The following UFD1 variants were observed in gnomAD, a reference collection of about 807,000 sequenced individuals.
UFD1 encodes the protein ubiquitin recognition factor in ER-associated degradation protein 1.
A neutral mutation model predicts 45.9 loss-of-function variants in UFD1; 13 were observed. That is an observed-to-expected ratio of 0.28 (90% CI 0.18 to 0.45). UFD1 has a LOEUF of 0.45. Ranked by LOEUF, UFD1 falls within the 20% of genes least tolerant of loss-of-function variation. The pLI is 1.00. For synonymous variants in UFD1, 128 were observed against 139.2 expected, an observed-to-expected ratio of 0.92 and a Z score of 0.56; for missense variants, 218 against 389.2, an observed-to-expected ratio of 0.56 and a Z score of 3.70.
At chr22:19,473,497 T>C (rs942437059) in intron 3 of UFD1, among the ~76,000 whole-genome samples, 3 of 152,204 alleles carry the variant, frequency 2.0e-5, no homozygotes, top group Non-Finnish European at 4.4e-5. Context: ...GGGTCACCCC[T>C]GGTGTCTGGC....
In UFD1 at chr22:19,468,492, A is replaced by G. The variant is rs117597302; in HGVS notation, c.292-489T>C. Among the ~76,000 whole-genome samples, 518 of 152,312 alleles carry G rather than the reference A, an allele frequency of 3.4e-3. 20 individuals carry two copies. The East Asian group carries it at 0.069, about 20-fold the overall frequency. ...GGTCTCTGCTAAGGAGGTTATAAAA[A>G]TCTGACAAAGCCTCCACATGTCTCT... On this transcript the variant is annotated intron_variant, in intron 4 of 11. Transcript: ENST00000263202.
chr22:19,453,219 G>A, intron 11 of UFD1: 2 of 985,080 alleles, frequency 2.0e-6, no homozygotes, highest in Non-Finnish European at 1.2e-6. Flanking sequence ...TGCCTTTTGA[G>A]AATTCCACAA....
chr22:19,462,004 C>G (rs1362914195), intron 6 of UFD1, among the ~76,000 whole-genome samples: 1 of 151,010 alleles, frequency 6.6e-6, no homozygotes, highest in South Asian at 2.1e-4. Context: ...TCAGGGTTTG[C>G]TTTTTTTTTG....
chr22:19,475,370 A>G (rs1383648267), intron 2 of UFD1, 100 bp downstream of exon 2: 5 of 1,517,864 alleles, frequency 3.3e-6, no homozygotes, highest in Non-Finnish European at 4.5e-6. Flanking sequence ...CAGTAACACT[A>G]GCTTCTGACT....
chr22:19,474,179 G>C (rs1055240083), intron 3 of UFD1, among the ~76,000 whole-genome samples: 1 of 152,178 alleles, frequency 6.6e-6, no homozygotes, highest in Non-Finnish European at 1.5e-5. Context: ...AGCAAGAGGA[G>C]TGGCTTCTGG....
intron 6 of UFD1, among the ~76,000 whole-genome samples, chr22:19,459,601 C>T (rs921052862): frequency 6.6e-6 from 1 of 151,930 alleles, no homozygotes; most frequent in Admixed American, 6.6e-5. Context: ...GGCAACAGAG[C>T]GAGACTCTGT....
chr22:19,454,726 G>A (rs745388140), intron 11 of UFD1, 23 bp downstream of exon 11: 2 of 1,613,446 alleles, frequency 1.2e-6, no homozygotes, highest in Non-Finnish European at 1.7e-6. Flanking sequence ...ACCAACCAAG[G>A]AAATACAAGG....
chr22:19,479,190 G>C lies in UFD1; in HGVS notation c.-105C>G, dbSNP rs2089928524. The C allele has an allele frequency of 2.5e-6, 4 of 1,573,838 alleles. No homozygotes were observed. The highest frequency in any genetic ancestry group is 2.6e-6 in the Non-Finnish European group (3 of 1,160,364). On this transcript the variant is annotated 5_prime_UTR_variant, in exon 1 of 12. Coordinates refer to ENST00000263202, the MANE Select transcript of UFD1 (RefSeq NM_005659.7). ...CTGCCGCTGCCGCCGCGCCAAGCCG[G>C]TACGCCCCAGAGGCTCACCGGAAGT...
At chr22:19,478,362 A>G (rs1470144203) in intron 1 of UFD1, among the ~76,000 whole-genome samples, 1 of 152,240 alleles carries the variant, frequency 6.6e-6, no homozygotes, top group Non-Finnish European at 1.5e-5. Flanking sequence ...ACAATACCGT[A>G]GAGTGCTTTG....
In UFD1 at chr22:19,475,730, T is replaced by G; in HGVS notation, c.4-128A>C. ...GAACACAATGTACTGAAATCTTCAA[T>G]GTAATCTTACTAAATACAAAACAGG... On this transcript the variant is annotated intron_variant, in intron 1 of 11. Coordinates refer to ENST00000263202, the MANE Select transcript of UFD1 (RefSeq NM_005659.7). The G allele has an allele frequency of 5.9e-6, 7 of 1,176,706 alleles. No individual in the cohort carries two copies. The South Asian group carries it at 1.0e-4, about 17-fold the overall frequency. 72.9% of individuals were successfully genotyped at this position (1,176,706 alleles called of 1,614,324 possible).
At chr22:19,478,241 T>C (rs1270298608) in intron 1 of UFD1, among the ~76,000 whole-genome samples, 1 of 152,200 alleles carries the variant, frequency 6.6e-6, no homozygotes. Flanking sequence ...CAGGTATTCT[T>C]GAGTGGATGA....
At position 19,454,767 on chromosome 22, in the gene UFD1, A is replaced by G. The variant is rs1351906267; in HGVS notation, c.831T>C (p.Leu277=). The change falls in exon 11 of 12, where the codon CTT becomes CTC. Residue 277 remains leucine, a synonymous_variant. Coordinates refer to ENST00000263202, the MANE Select transcript of UFD1 (RefSeq NM_005659.7). ...KITFIRNSRP[L]VKKVEEDEAG... is the part of the protein sequence containing the mutation. The stretch of plus-strand genomic sequence containing the variant: ...CACTCACCTCTTCAACCTTTTTGAC[A>G]AGGGGACGTGAATTTCTGATGAAAG... 17 of 1,614,042 alleles carry G rather than the reference A, an allele frequency of 1.1e-5. No individual in the cohort carries two copies. Among genetic ancestry groups the G allele is most frequent in the Non-Finnish European group, 1.4e-5 (17 of 1,180,016 alleles).
intron 7 of UFD1, 142 bp downstream of exon 7, chr22:19,457,929 G>T: frequency 1.2e-6 from 1 of 802,522 alleles, no homozygotes; most frequent in East Asian, 2.5e-5. Context: ...GTCTCCTCAT[G>T]ATGTTCTGAC....
intron 1 of UFD1, 130 bp from the exon 2 acceptor site, chr22:19,475,732 T>A: frequency 8.7e-7 from 1 of 1,146,276 alleles, no homozygotes; most frequent in Non-Finnish European, 1.2e-6. Flanking sequence ...ATCTTCAATG[T>A]AATCTTACTA....
rs1352053191 is a variant in UFD1 at position 19,471,823 on chromosome 22, G to C, written c.170-15C>G. Reference sequence around the variant, plus strand: ...GTTAAGTCGGCCTGAAAATAAGAGAGAGACTATGAGGCACAGCTCCTATGA... The same window carrying C: ...GTTAAGTCGGCCTGAAAATAAGAGACAGACTATGAGGCACAGCTCCTATGA... On this transcript the variant is annotated splice_polypyrimidine_tract_variant and intron_variant, in intron 3 of 11. Coordinates refer to ENST00000263202, the MANE Select transcript of UFD1 (RefSeq NM_005659.7). 1 of 1,611,512 alleles carries C rather than the reference G, an allele frequency of 6.2e-7. No homozygotes were observed. The highest frequency in any genetic ancestry group is 8.5e-7 in the Non-Finnish European group (1 of 1,178,362).
chr22:19,467,632 GC>G (rs928130971), intron 5 of UFD1: 1 of 494,944 alleles, frequency 2.0e-6, no homozygotes, highest in African/African-American at 2.0e-5. Flanking sequence ...TGAAAGAAGG[GC>G]TTCATTGTGG....
intron 4 of UFD1, among the ~76,000 whole-genome samples, chr22:19,469,156 G>A (rs2089825618): frequency 6.6e-6 from 1 of 152,224 alleles, no homozygotes; most frequent in Non-Finnish European, 1.5e-5. Context: ...GGATGCAGAG[G>A]TGACTGGCTT....
chr22:19,454,589 C>A, intron 11 of UFD1, 160 bp downstream of exon 11: 2 of 1,449,146 alleles, frequency 1.4e-6, no homozygotes, highest in African/African-American at 1.4e-5. Flanking sequence ...GTCCATTAAA[C>A]CTCTTTCTTT....
At position 19,450,139 on chromosome 22, in the gene UFD1, T is replaced by C. The variant is rs935050516; in HGVS notation, c.*531A>G. On this transcript the variant is annotated 3_prime_UTR_variant, in exon 12 of 12. Coordinates refer to ENST00000263202, the MANE Select transcript of UFD1 (RefSeq NM_005659.7). Reference sequence around the variant, plus strand: ...TTCTGAGTGGTGTTTTTGAAAAAAATATGTAAAATAAAAATAGAAACATTC... The same window carrying C: ...TTCTGAGTGGTGTTTTTGAAAAAAACATGTAAAATAAAAATAGAAACATTC... The C allele has an allele frequency of 5.2e-5, 8 of 152,492 alleles. No individual in the cohort carries two copies. Among genetic ancestry groups the C allele is most frequent in the African/African-American group, 1.7e-4 (7 of 41,414 alleles). The allele number at this position is 152,492 out of a possible 1,614,324, so 9.4% of individuals were successfully genotyped here.
Sources: gnomAD v4.1 joint callset for allele counts (sites outside exome capture counted in the v4.1 genomes callset) on GRCh38, gnomAD v4.1.1 for gene constraint, MANE v1.5 for transcripts, NCBI Gene and HGNC (gene_info 2026-07-23, HGNC 2026-07-21) for gene names.